The following FDX1 variants were observed in gnomAD, a reference collection of about 807,000 sequenced individuals.
FDX1 encodes the protein adrenodoxin, mitochondrial.
Under a neutral mutation model 14.9 loss-of-function variants are expected in FDX1, and 9 were observed. That is an observed-to-expected ratio of 0.60 (90% CI 0.36 to 1.05). The LOEUF is 1.05. Ranked by LOEUF, FDX1 falls within the 50% of genes least tolerant of loss-of-function variation. The pLI, the probability that FDX1 is intolerant of heterozygous loss-of-function variation, is 0.01. For missense variants in FDX1, 204 were observed against 237.2 expected (o/e 0.86, Z 0.92); for synonymous variants, 92 against 99.4 (o/e 0.93, Z 0.44).
At chr11:110,443,279 CT>C (rs1339124790) in intron 2 of FDX1, among the ~76,000 whole-genome samples, 19 of 140,694 alleles carry the variant, frequency 1.4e-4, no homozygotes, top group African/African-American at 2.7e-4. Flanking sequence ...GCCCCGCTAC[CT>C]TTTTTTTTTC....
At chr11:110,458,991 G>T (rs1365834468) in intron 3 of FDX1, among the ~76,000 whole-genome samples, 1 of 152,024 alleles carries the variant, frequency 6.6e-6, no homozygotes, top group African/African-American at 2.4e-5. Context: ...TTTCATACTG[G>T]TTACCTATCT....
At chr11:110,445,763 GGATAATAT>G (rs1946446212) in intron 2 of FDX1, among the ~76,000 whole-genome samples, 2 of 152,012 alleles carry the variant, frequency 1.3e-5, no homozygotes, top group South Asian at 4.2e-4. Context: ...TGTAAAGCAG[GGATAATAT>G]TAATATCTAC....
At chr11:110,458,666 G>A (rs1946537478) in intron 3 of FDX1, among the ~76,000 whole-genome samples, 1 of 151,566 alleles carries the variant, frequency 6.6e-6, no homozygotes. Context: ...GGAGTGCAGT[G>A]ACATGATCTT....
upstream of FDX1, among the ~76,000 whole-genome samples, chr11:110,429,551 C>T (rs1056964221): frequency 6.6e-6 from 1 of 152,258 alleles, no homozygotes; most frequent in Middle Eastern, 3.4e-3. Flanking sequence ...ATTTTATAGT[C>T]ATAATTATTT....
At chr11:110,455,358 A>G (rs1481336608) in intron 2 of FDX1, among the ~76,000 whole-genome samples, 2 of 152,152 alleles carry the variant, frequency 1.3e-5, no homozygotes, top group Non-Finnish European at 2.9e-5. Context: ...ATAAGGAAGG[A>G]ACAACTCTAG....
At chr11:110,438,483 T>TG (rs1371778450) in intron 2 of FDX1, among the ~76,000 whole-genome samples, 1 of 152,132 alleles carries the variant, frequency 6.6e-6, no homozygotes, top group Non-Finnish European at 1.5e-5. Context: ...TGGAGTGCAG[T>TG]GGCGCAGTCT....
upstream of FDX1, chr11:110,429,798 TAA>T: frequency 4.5e-6 from 1 of 223,434 alleles, no homozygotes; most frequent in Non-Finnish European, 8.8e-6. Flanking sequence ...CTTCAGCCGC[TAA>T]AAAAGCATCC....
At chr11:110,433,264 C>G (rs953895658) in intron 1 of FDX1, among the ~76,000 whole-genome samples, 3 of 152,208 alleles carry the variant, frequency 2.0e-5, no homozygotes, top group African/African-American at 7.2e-5. Flanking sequence ...GGCTCAGACC[C>G]ATACCCATAT....
chr11:110,430,990 A>G lies in FDX1; in HGVS notation c.185+685A>G, dbSNP rs1314313937. On this transcript the variant is annotated intron_variant, in intron 1 of 3. Transcript: ENST00000260270. ...CAGTTTCTCCATTTGCAAGTTGGAT[A>G]TAATAACAGTGTAGACCTCCTATGG... Among the ~76,000 whole-genome samples the G allele has an allele frequency of 5.3e-5, 8 of 152,324 alleles. 1 individual carries two copies. In the East Asian group the frequency reaches 1.4e-3, roughly 26 times the overall value.
At chr11:110,434,723 TTG>T (rs1252965890) in intron 1 of FDX1, among the ~76,000 whole-genome samples, 2 of 113,118 alleles carry the variant, frequency 1.8e-5, no homozygotes, top group African/African-American at 7.6e-5. Context: ...ATGACTTTTT[TTG>T]TTTTTTTTTT....
chr11:110,437,898 G>A (rs1380251512), intron 2 of FDX1, among the ~76,000 whole-genome samples: 1 of 152,156 alleles, frequency 6.6e-6, no homozygotes, highest in Admixed American at 6.6e-5. Flanking sequence ...TGCTTTTCTG[G>A]TTCTGTGTTA....
At chr11:110,457,440 TATATA>T (rs1946529484) in intron 3 of FDX1, among the ~76,000 whole-genome samples, 1 of 152,160 alleles carries the variant, frequency 6.6e-6, no homozygotes, top group Non-Finnish European at 1.5e-5. Flanking sequence ...AGAAACTTAA[TATATA>T]ATAGTAATTA....
At chr11:110,452,711 A>C (rs1946494540) in intron 2 of FDX1, among the ~76,000 whole-genome samples, 1 of 152,258 alleles carries the variant, frequency 6.6e-6, no homozygotes, top group South Asian at 2.1e-4. Context: ...TACTAGAAAC[A>C]AACCATGGGA....
chr11:110,462,300 C>T, intron 3 of FDX1, 54 bp from the exon 4 acceptor site: 1 of 982,840 alleles, frequency 1.0e-6, no homozygotes, highest in Non-Finnish European at 1.6e-6. Context: ...ACTGCATTGC[C>T]TTGTGAATAT....
rs1306238416 is a variant in FDX1 at position 110,463,460 on chromosome 11, A to T, written c.*992A>T. ...ATGTGTGGAAGACATTCGTACTCTT[A>T]TCTTTACTATAAATAAATTCATAAA... On this transcript the variant is annotated 3_prime_UTR_variant, in exon 4 of 4. Transcript: ENST00000260270. 1 of 152,262 alleles carries T rather than the reference A, an allele frequency of 6.6e-6. No individual in the cohort carries two copies. Among genetic ancestry groups the T allele is most frequent in the African/African-American group, 2.4e-5 (1 of 41,468 alleles). 9.4% of individuals were successfully genotyped at this position (152,262 alleles called of 1,614,324 possible). A position where few individuals can be genotyped will look rare whatever the true frequency, so the allele number is the denominator to read the frequency against.
intron 3 of FDX1, among the ~76,000 whole-genome samples, chr11:110,461,247 A>G (rs115657476): frequency 0.012 from 1,761 of 152,178 alleles, 31 homozygotes; most frequent in African/African-American, 0.04. Flanking sequence ...TGTTATCCCA[A>G]CACTTTGGGA....
At position 110,430,269 on chromosome 11, in the gene FDX1, G is replaced by C; in HGVS notation, c.149G>C (p.Ser50Thr). ...NRGPGGSAEA[S>T]RSLSVSARAR... ...GGGCCGGGCGGGAGCGCGGAGGCGA[G>C]CCGGTCGCTGAGCGTGTCGGCGCGG... Residue 50 changes from serine (S) to threonine (T), a missense_variant, in exon 1 of 4, where the codon AGC becomes ACC. Ser to Thr is a moderately conservative substitution (Grantham distance 58). Transcript: ENST00000260270. 8.3e-7 allele frequency: 1 copy of C among 1,203,560 alleles called. No homozygotes were observed. Among genetic ancestry groups the C allele is most frequent in the Non-Finnish European group, 1.0e-6 (1 of 969,634 alleles). 74.6% of individuals were successfully genotyped at this position (1,203,560 alleles called of 1,614,324 possible). A position where few individuals can be genotyped will look rare whatever the true frequency, so the allele number is the denominator to read the frequency against.
At position 110,453,711 on chromosome 11, in the gene FDX1, A is replaced by C. The variant is rs532833663; in HGVS notation, c.311-3207A>C. Reference sequence around the variant, plus strand: ...TCTTATGGATTTTTGAAAGATTGAAAGTTTCTTTTTACTTTTCTATTTTTT... The same window carrying C: ...TCTTATGGATTTTTGAAAGATTGAACGTTTCTTTTTACTTTTCTATTTTTT... On this transcript the variant is annotated intron_variant, in intron 2 of 3. Coordinates refer to ENST00000260270, the MANE Select transcript of FDX1 (RefSeq NM_004109.5). Among the ~76,000 whole-genome samples the C allele has an allele frequency of 3.3e-5, 5 of 152,226 alleles. No individual in the cohort carries two copies. In the South Asian group the frequency reaches 1.0e-3, roughly 32 times the overall value.
intron 2 of FDX1, among the ~76,000 whole-genome samples, chr11:110,451,243 A>G (rs572234914): frequency 1.3e-5 from 2 of 152,316 alleles, no homozygotes; most frequent in East Asian, 1.9e-4. Context: ...ATGTTGGCTA[A>G]ATTTTTGAGC....
Sources: gnomAD v4.1 joint callset for allele counts (sites outside exome capture counted in the v4.1 genomes callset) on GRCh38, gnomAD v4.1.1 for gene constraint, MANE v1.5 for transcripts, NCBI Gene and HGNC (gene_info 2026-07-23, HGNC 2026-07-21) for gene names.